Variants in STIMATE observed in about 807,000 individuals in gnomAD.
STIMATE encodes the protein STIM activating enhancer.
A neutral mutation model predicts 36.7 loss-of-function variants in STIMATE; 15 were observed. The ratio of observed to expected loss-of-function variants is 0.41; its 90% CI spans 0.27 to 0.63. The LOEUF (loss-of-function observed/expected upper bound fraction) is 0.63, where lower values mean the gene tolerates loss of function less well. Ranked by LOEUF, STIMATE falls within the 20% of genes least tolerant of loss-of-function variation. The pLI is 0.32. For missense variants in STIMATE, 305 were observed against 397.3 expected (o/e 0.77, Z 1.98); for synonymous variants, 163 against 162.3 (o/e 1.00, Z -0.03).
At chr3:52,859,531 ATTTT>A (rs563622429) in intron 1 of STIMATE, among the ~76,000 whole-genome samples, 31 of 18,826 alleles carry the variant, frequency 1.6e-3, no homozygotes, top group African/African-American at 3.7e-3. Context: ...AAAAAAAAAA[ATTTT>A]TTTTTTTTTT....
At chr3:52,890,444 T>G (rs543262975) in intron 1 of STIMATE, among the ~76,000 whole-genome samples, 1 of 152,248 alleles carries the variant, frequency 6.6e-6, no homozygotes, top group Non-Finnish European at 1.5e-5. Context: ...CAGGGGGCAG[T>G]TGGCAATGTC....
intron 1 of STIMATE, among the ~76,000 whole-genome samples, chr3:52,887,292 C>T (rs1701701648): frequency 6.6e-6 from 1 of 152,232 alleles, no homozygotes. Flanking sequence ...CAAGATCTCA[C>T]TGCTCAGCAG....
chr3:52,873,496 C>T (rs1450303229), intron 1 of STIMATE, among the ~76,000 whole-genome samples: 2 of 152,142 alleles, frequency 1.3e-5, no homozygotes, highest in Non-Finnish European at 2.9e-5. Context: ...AGTGGATTTG[C>T]AATTCTCGGC....
intron 1 of STIMATE, among the ~76,000 whole-genome samples, chr3:52,895,545 TG>T (rs1701851276): frequency 1.3e-5 from 2 of 152,192 alleles, no homozygotes; most frequent in South Asian, 4.1e-4. Flanking sequence ...CCAACCACAG[TG>T]GGATTTGCAC....
chr3:52,881,532 G>A lies in STIMATE; in HGVS notation c.160+15759C>T, dbSNP rs564451921. Among the ~76,000 whole-genome samples the A allele has an allele frequency of 8.5e-5, 13 of 152,062 alleles. No individual in the cohort carries two copies. In the East Asian group the frequency reaches 1.6e-3, roughly 18 times the overall value. On this transcript the variant is annotated intron_variant, in intron 1 of 7. Coordinates refer to ENST00000355083, the MANE Select transcript of STIMATE (RefSeq NM_198563.5). The stretch of plus-strand genomic sequence containing the variant: ...ATCCTGGCTAACAAGGTGAAACCCC[G>A]TCTCTACTAAAAATACAGAAATTAG...
chr3:52,866,680 C>T (rs11707829), intron 1 of STIMATE, among the ~76,000 whole-genome samples: 13,628 of 152,290 alleles, frequency 0.089, 772 homozygotes, highest in Non-Finnish European at 0.13. Flanking sequence ...AGGGCGGGGA[C>T]CAGGCACCCA....
At chr3:52,859,536 T>A (rs1701175606) in intron 1 of STIMATE, among the ~76,000 whole-genome samples, 2 of 113,230 alleles carry the variant, frequency 1.8e-5, no homozygotes, top group African/African-American at 4.0e-5. Context: ...AAAAAATTTT[T>A]TTTTTTTTTT....
At chr3:52,884,930 C>T (rs1701667738) in intron 1 of STIMATE, among the ~76,000 whole-genome samples, 2 of 152,132 alleles carry the variant, frequency 1.3e-5, no homozygotes, top group South Asian at 2.1e-4. Context: ...GGGTAAATCT[C>T]GAGGGGTGAA....
chr3:52,884,436 G>A (rs1330426458), intron 1 of STIMATE, among the ~76,000 whole-genome samples: 2 of 152,016 alleles, frequency 1.3e-5, no homozygotes, highest in South Asian at 2.1e-4. Flanking sequence ...AGTAGGGACA[G>A]GGTTTCACCA....
At chr3:52,843,477 C>T (rs1430198614) in intron 6 of STIMATE, among the ~76,000 whole-genome samples, 1 of 152,048 alleles carries the variant, frequency 6.6e-6, no homozygotes. Flanking sequence ...TGGGAGGCCC[C>T]TCGGCAGGGA....
chr3:52,872,983 T>G (rs1575342039), intron 1 of STIMATE, among the ~76,000 whole-genome samples: 1 of 152,228 alleles, frequency 6.6e-6, no homozygotes, highest in Non-Finnish European at 1.5e-5. Context: ...CTCATGAACA[T>G]TTTTTGGTAA....
At position 52,847,466 on chromosome 3, in the gene STIMATE, A is replaced by G. The variant is rs974864169; in HGVS notation, c.427+2326T>C. ...AATCAGAGTGCAGACACCATGCGTC[A>G]CCTGGATCTGGTCTCAACCGCCGGG... On this transcript the variant is annotated intron_variant, in intron 4 of 7. Transcript: ENST00000355083. 68 of 1,289,396 alleles carry G rather than the reference A, an allele frequency of 5.3e-5. No homozygotes were observed. The Middle Eastern group carries it at 6.6e-4, about 13-fold the overall frequency. The allele number at this position is 1,289,396 out of a possible 1,614,324, so 79.9% of individuals were successfully genotyped here. A position where few individuals can be genotyped will look rare whatever the true frequency, so the allele number is the denominator to read the frequency against.
chr3:52,840,306 G>A lies in STIMATE; in HGVS notation c.*188C>T, dbSNP rs190043762. ...ACCTCCAGCCGCCAGTGGCCCCCTC[G>A]GGCGCTGGCTCCTCTTCCCTCTTTT... On this transcript the variant is annotated 3_prime_UTR_variant, in exon 8 of 8. Coordinates refer to ENST00000355083, the MANE Select transcript of STIMATE (RefSeq NM_198563.5). The A allele has an allele frequency of 2.8e-4, 167 of 606,844 alleles. No individual in the cohort carries two copies. The highest frequency in any genetic ancestry group is 2.6e-3 in the East Asian group (86 of 33,074). The allele number at this position is 606,844 out of a possible 1,614,324, so 37.6% of individuals were successfully genotyped here.
chr3:52,878,312 G>A (rs1036930682), intron 1 of STIMATE, among the ~76,000 whole-genome samples: 3 of 148,074 alleles, frequency 2.0e-5, no homozygotes, highest in African/African-American at 8.0e-5. Flanking sequence ...GAACCCTATG[G>A]TCCAGGCTAT....
At chr3:52,877,268 C>T (rs898322703) in intron 1 of STIMATE, among the ~76,000 whole-genome samples, 1 of 152,382 alleles carries the variant, frequency 6.6e-6, no homozygotes, top group African/African-American at 2.4e-5. Context: ...CATCCCTCCA[C>T]CTTCACATGC....
chr3:52,882,043 A>G (rs1397116969), intron 1 of STIMATE, among the ~76,000 whole-genome samples: 1 of 152,240 alleles, frequency 6.6e-6, no homozygotes, highest in Non-Finnish European at 1.5e-5. Flanking sequence ...GTTCTGGCTC[A>G]TGTTCTCTTG....
rs1027912911 is a variant in STIMATE at position 52,843,114 on chromosome 3, T to A, written c.619-154A>T. 3.1e-4 allele frequency: 414 copies of A among 1,338,042 alleles called. 3 individuals are homozygous for A. The highest frequency in any genetic ancestry group is 3.8e-5 in the Non-Finnish European group (38 of 1,001,750). The allele number at this position is 1,338,042 out of a possible 1,614,324, so 82.9% of individuals were successfully genotyped here. ...AATCACCCTGCTCTCTCCCAAAGCT[T>A]AGAAAGAGATTCCCAGTCTCCACAT... On this transcript the variant is annotated intron_variant, in intron 6 of 7. Coordinates refer to ENST00000355083, the MANE Select transcript of STIMATE (RefSeq NM_198563.5).
intron 1 of STIMATE, among the ~76,000 whole-genome samples, chr3:52,857,225 T>TGA (rs1181455289): frequency 1.3e-5 from 2 of 152,076 alleles, no homozygotes; most frequent in Non-Finnish European, 2.9e-5. Flanking sequence ...AGAGACATGT[T>TGA]GAGAGAGAGA....
In STIMATE at chr3:52,878,088, C is replaced by T. The variant is rs551363683; in HGVS notation, c.160+19203G>A. 1.6e-3 allele frequency among the ~76,000 whole-genome samples: 230 copies of T among 147,846 alleles called. 1 individual carries two copies. The highest frequency in any genetic ancestry group is 5.4e-3 in the African/African-American group (216 of 39,874). On this transcript the variant is annotated intron_variant, in intron 1 of 7. Transcript: ENST00000355083. ...CAGCCTGGGCGACAGAGCAAGACTC[C>T]GTCTTAAAAAAAAAAAAAAAAAAAG... is the stretch of plus-strand genomic sequence containing the variant.
Sources: allele counts gnomAD v4.1 joint callset (sites outside exome capture counted in the v4.1 genomes callset), GRCh38; gene constraint gnomAD v4.1.1; transcripts MANE v1.5; gene names NCBI Gene and HGNC (gene_info 2026-07-23, HGNC 2026-07-21).